CPNE4: variants seen among roughly 807,000 people sequenced by gnomAD.
CPNE4 encodes copine-4.
In CPNE4, 25 loss-of-function variants were observed where a neutral mutation model predicts 67.9. The observed-to-expected ratio is 0.37, with a 90% CI of 0.27 to 0.51. The LOEUF is 0.51. CPNE4 is among the 20% of genes least tolerant of loss of function. CPNE4 has a pLI of 0.93. For synonymous variants in CPNE4, 242 were observed against 244.9 expected, an observed-to-expected ratio of 0.99 and a Z score of 0.11; for missense variants, 464 against 690.8, an observed-to-expected ratio of 0.67 and a Z score of 3.68.
At chr3:131,820,065 T>A (rs923817208) in intron 2 of CPNE4, among the ~76,000 whole-genome samples, 4 of 152,204 alleles carry the variant, frequency 2.6e-5, no homozygotes, top group African/African-American at 9.6e-5. Flanking sequence ...CCCTCATTTG[T>A]TACAATGGGA....
chr3:131,732,192 G>A (rs1583101137), intron 2 of CPNE4, among the ~76,000 whole-genome samples: 2 of 152,076 alleles, frequency 1.3e-5, no homozygotes, highest in African/African-American at 4.8e-5. Flanking sequence ...CTGCTTCTTT[G>A]AAAGCTGCCA....
chr3:132,001,319 T>G (rs1210313641), intron 1 of CPNE4, among the ~76,000 whole-genome samples: 3 of 151,874 alleles, frequency 2.0e-5, no homozygotes, highest in Non-Finnish European at 4.4e-5. Context: ...AACACTTCCA[T>G]GAAGGGGCAA....
chr3:132,026,285 T>C (rs1215366082), intron 1 of CPNE4, among the ~76,000 whole-genome samples: 7 of 152,212 alleles, frequency 4.6e-5, no homozygotes, highest in African/African-American at 1.7e-4. Context: ...AAGTGTGATA[T>C]ACAACTGCTA....
rs1463404438 is a variant in CPNE4, at chr3:131,952,376, C to T, written c.-1-46932G>A. Among the ~76,000 whole-genome samples, 11 of 150,482 alleles carry T rather than the reference C, an allele frequency of 7.3e-5. 1 individual carries two copies. Among genetic ancestry groups the T allele is most frequent in the South Asian group, 2.1e-4 (1 of 4,736 alleles). On this transcript the variant is annotated intron_variant, in intron 1 of 15. Coordinates refer to ENST00000429747, the MANE Select transcript of CPNE4 (RefSeq NM_130808.3). ...GAGCCCCTCCGCCCGGCAGCCGCCC[C>T]GTCTGAGAAGTGAGGAGCCTCTCCG...
At chr3:131,808,789 A>T (rs1006524340) in intron 2 of CPNE4, among the ~76,000 whole-genome samples, 24 of 152,218 alleles carry the variant, frequency 1.6e-4, no homozygotes, top group Non-Finnish European at 2.9e-5. Context: ...GCCAGTTTTC[A>T]TTATAAAATG....
chr3:131,926,263 C>A (rs1348865585), intron 1 of CPNE4, among the ~76,000 whole-genome samples: 1 of 152,120 alleles, frequency 6.6e-6, no homozygotes, highest in Non-Finnish European at 1.5e-5. Context: ...AAACTTTTAA[C>A]TGTCTTTGCT....
rs538796974 is a variant in CPNE4, at chr3:131,727,312, C to T, written c.181-3687G>A. 1.4e-4 allele frequency among the ~76,000 whole-genome samples: 21 copies of T among 152,060 alleles called. No homozygotes were observed. The Middle Eastern group carries it at 0.017, about 123-fold the overall frequency. On this transcript the variant is annotated intron_variant, in intron 2 of 15. Coordinates refer to ENST00000429747, the MANE Select transcript of CPNE4 (RefSeq NM_130808.3). ...GAAGCTTTTAAAAATATCTAAAACA[C>T]GGCCAGGCGCAGTGGCTCAAGCCTG...
Position 131,707,852 on chromosome 3 carries a change from C to T in CPNE4, c.361-7872G>A, listed in dbSNP as rs554672150. ...CTATAGAATGGTACAGCAAGCATCA[C>T]ATATAAGGCTCCAAATAGTCTCCCT... On this transcript the variant is annotated intron_variant, in intron 3 of 15. Coordinates refer to ENST00000429747, the MANE Select transcript of CPNE4 (RefSeq NM_130808.3). Among the ~76,000 whole-genome samples the T allele has an allele frequency of 1.9e-4, 29 of 152,306 alleles. 2 individuals carry two copies. In the South Asian group the frequency reaches 6.0e-3, roughly 32 times the overall value.
chr3:131,742,662 C>T (rs2082387106), intron 2 of CPNE4, among the ~76,000 whole-genome samples: 2 of 151,756 alleles, frequency 1.3e-5, no homozygotes, highest in South Asian at 4.2e-4. Context: ...AAGTTAAAAC[C>T]AGACACATCC....
At chr3:131,741,159 T>C (rs762686381) in intron 2 of CPNE4, among the ~76,000 whole-genome samples, 44 of 152,182 alleles carry the variant, frequency 2.9e-4, no homozygotes, top group Admixed American at 1.3e-4. Flanking sequence ...AATTCTACTG[T>C]ATTTCTGGTT....
At chr3:131,983,450 A>G (rs1341072083) in intron 1 of CPNE4, among the ~76,000 whole-genome samples, 1 of 152,142 alleles carries the variant, frequency 6.6e-6, no homozygotes, top group African/African-American at 2.4e-5. Context: ...TGGATATCCT[A>G]ATTAATACAA....
At chr3:131,861,578 C>T (rs1306664026) in intron 2 of CPNE4, among the ~76,000 whole-genome samples, 1 of 151,964 alleles carries the variant, frequency 6.6e-6, no homozygotes, top group East Asian at 1.9e-4. Context: ...TTACAGGCGC[C>T]TGCCACCATG....
At chr3:131,673,569 C>T (rs2080481071) in intron 6 of CPNE4, among the ~76,000 whole-genome samples, 1 of 151,320 alleles carries the variant, frequency 6.6e-6, no homozygotes, top group African/African-American at 2.4e-5. Flanking sequence ...AAGTGAATTC[C>T]TTTTATTTGT....
At chr3:132,026,300 G>A (rs186249560) in intron 1 of CPNE4, among the ~76,000 whole-genome samples, 15 of 152,276 alleles carry the variant, frequency 9.9e-5, no homozygotes, top group Admixed American at 3.3e-4. Flanking sequence ...CTGCTACTTG[G>A]AAAAGCTTGC....
intron 7 of CPNE4, among the ~76,000 whole-genome samples, chr3:131,618,599 C>T: frequency 6.6e-6 from 1 of 152,116 alleles, no homozygotes; most frequent in East Asian, 1.9e-4. Context: ...AAAGAAAGTA[C>T]AGTTTAAGGT....
chr3:131,656,891 C>T (rs2079983836), intron 7 of CPNE4, among the ~76,000 whole-genome samples: 1 of 152,060 alleles, frequency 6.6e-6, no homozygotes, highest in Non-Finnish European at 1.5e-5. Context: ...GATGGGGAGG[C>T]AATGGAGAGG....
At chr3:131,564,140 C>G (rs1936934096) in intron 11 of CPNE4, 76 bp downstream of exon 11, 3 of 1,567,650 alleles carry the variant, frequency 1.9e-6, no homozygotes, top group African/African-American at 2.7e-5. Flanking sequence ...TTTCCACTTT[C>G]TGCCCAGGAT....
At position 131,696,580 on chromosome 3, in the gene CPNE4, C is replaced by T; in HGVS notation, c.469G>A (p.Val157Ile). The T allele has an allele frequency of 1.2e-6, 2 of 1,614,034 alleles. No individual in the cohort carries two copies. The highest frequency in any genetic ancestry group is 8.5e-7 in the Non-Finnish European group (1 of 1,179,936). ...TTCCGTGCATTGAATGCAAGCTCAA[C>T]ATAGTCGTCATTGCCAGATAATTCT... is the stretch of plus-strand genomic sequence containing the variant. ...AEELSGNDDY[V>I]ELAFNARKLD... Residue 157 changes from valine (V) to isoleucine (I), a missense_variant, in exon 5 of 16, where the codon GTT becomes ATT. Coordinates refer to ENST00000429747, the MANE Select transcript of CPNE4 (RefSeq NM_130808.3).
At chr3:131,677,048 T>G (rs1428222979) in intron 6 of CPNE4, among the ~76,000 whole-genome samples, 1 of 151,944 alleles carries the variant, frequency 6.6e-6, no homozygotes, top group Non-Finnish European at 1.5e-5. Flanking sequence ...ATCTGTTTTT[T>G]TTTTTACTTT....
Sources: gnomAD v4.1 joint callset for allele counts (sites outside exome capture counted in the v4.1 genomes callset) on GRCh38, gnomAD v4.1.1 for gene constraint, MANE v1.5 for transcripts, NCBI Gene and HGNC (gene_info 2026-07-23, HGNC 2026-07-21) for gene names.